The following AKR1E2 variants were observed in gnomAD, a reference collection of about 807,000 sequenced individuals.
The protein encoded by AKR1E2 is aldo-keto reductase family 1 member E2, also known as 1,5-anhydro-D-fructose reductase.
A neutral mutation model predicts 41.9 loss-of-function variants in AKR1E2; 43 were observed. The ratio of observed to expected loss-of-function variants is 1.03; its 90% CI spans 0.80 to 1.32. AKR1E2 has a LOEUF of 1.32. Ranked by LOEUF, AKR1E2 falls within the 40% of genes most tolerant of loss-of-function variation. AKR1E2 has a pLI of 0.00. For synonymous variants in AKR1E2, 121 were observed against 138.9 expected, an observed-to-expected ratio of 0.87 and a Z score of 0.91; for missense variants, 423 against 396.5, an observed-to-expected ratio of 1.07 and a Z score of -0.57.
chr10:4,863,361 C>G, the AKR1E2 span, among the ~76,000 whole-genome samples: 1 of 152,184 alleles, frequency 6.6e-6, no homozygotes, highest in Non-Finnish European at 1.5e-5. Context: ...TGAATGACTA[C>G]TGGGTACATA....
rs1832478922 is a variant in AKR1E2 at position 4,826,235 on chromosome 10, C to CGG, written c.-89_-88dup. On this transcript the variant is annotated 5_prime_UTR_variant, in exon 1 of 10. Coordinates refer to ENST00000298375, the MANE Select transcript of AKR1E2 (RefSeq NM_001040177.3). ...ACAAGGCACTTCCAGCCAGTCGCAA[C>CGG]GGCGGGTCGCCAGCGCCGCAGTAGC... 9.2e-7 allele frequency: 1 copy of CGG among 1,081,970 alleles called. No individual in the cohort carries two copies. The highest frequency in any genetic ancestry group is 1.2e-6 in the Non-Finnish European group (1 of 849,960). The allele number at this position is 1,081,970 out of a possible 1,614,324, so 67.0% of individuals were successfully genotyped here.
upstream of AKR1E2, chr10:4,826,075 T>TCTGCGCCTCCAGCC (rs1832460467): frequency 2.5e-6 from 1 of 392,194 alleles, no homozygotes; most frequent in African/African-American, 2.1e-5. Context: ...GGACTCCAGC[T>TCTGCGCCTCCAGCC]GGCTCTGCGC....
the AKR1E2 span, among the ~76,000 whole-genome samples, chr10:4,857,694 T>A: frequency 1.3e-5 from 2 of 152,176 alleles, no homozygotes; most frequent in East Asian, 1.9e-4. Context: ...AAAATAAAAA[T>A]TTTTAAAAAG....
chr10:4,850,713 T>C (rs4880691), downstream of AKR1E2, among the ~76,000 whole-genome samples: 89,729 of 151,972 alleles, frequency 0.59, 27,756 homozygotes, highest in Admixed American at 0.69. Flanking sequence ...CATCTTTTCA[T>C]GTGCTTATTG....
At chr10:4,867,711 A>T in the AKR1E2 span, among the ~76,000 whole-genome samples, 1 of 152,202 alleles carries the variant, frequency 6.6e-6, no homozygotes, top group South Asian at 2.1e-4. Flanking sequence ...TTTAACCCAC[A>T]GTTCTAACAT....
rs750977295 is a variant in AKR1E2, at chr10:4,835,783, G to A, written c.433G>A (p.Asp145Asn). Residue 145 changes from aspartate to asparagine, a missense_variant, in exon 4 of 10, where the codon GAC (aspartate) becomes AAC (asparagine). Transcript: ENST00000298375. ...LDESNMVIPSDTDFLDTWEAM... is the reference protein window; with the variant it reads ...LDESNMVIPSNTDFLDTWEAM... ...CGAGAGCAACATGGTTATTCCCAGT[G>A]ACACGGACTTCCTGGACACGTGGGA... 2 of 1,614,078 alleles carry A rather than the reference G, an allele frequency of 1.2e-6. No homozygotes were observed. Among genetic ancestry groups the A allele is most frequent in the Non-Finnish European group, 1.7e-6 (2 of 1,180,022 alleles).
upstream of AKR1E2, among the ~76,000 whole-genome samples, chr10:4,825,401 A>T (rs1276592259): frequency 2.6e-5 from 4 of 151,122 alleles, no homozygotes; most frequent in African/African-American, 9.7e-5. Context: ...GGCTCCCTTG[A>T]CCCCTCTTTC....
At chr10:4,835,042 TC>T (rs1310215168) in intron 3 of AKR1E2, among the ~76,000 whole-genome samples, 2 of 152,242 alleles carry the variant, frequency 1.3e-5, no homozygotes, top group Non-Finnish European at 2.9e-5. Context: ...GTGACATTCT[TC>T]CACTGTTGTT....
the AKR1E2 span, among the ~76,000 whole-genome samples, chr10:4,853,682 G>A: frequency 6.6e-6 from 1 of 151,782 alleles, no homozygotes; most frequent in Non-Finnish European, 1.5e-5. Context: ...ACAACTGTCA[G>A]AGGCATTTAA....
intron 4 of AKR1E2, 114 bp downstream of exon 4, chr10:4,835,923 G>T: frequency 7.0e-7 from 1 of 1,423,032 alleles, no homozygotes; most frequent in East Asian, 2.3e-5. Context: ...CCTGAGATGT[G>T]GGGTTTGTGG....
the AKR1E2 span, among the ~76,000 whole-genome samples, chr10:4,868,470 C>A: frequency 6.6e-6 from 1 of 152,128 alleles, no homozygotes; most frequent in Non-Finnish European, 1.5e-5. Flanking sequence ...TGACATAAGC[C>A]CGTGGAATTT....
chr10:4,860,786 G>C, the AKR1E2 span, among the ~76,000 whole-genome samples: 1 of 152,046 alleles, frequency 6.6e-6, no homozygotes, highest in Non-Finnish European at 1.5e-5. Context: ...ATGCTTTATT[G>C]GCTTTTTTTG....
chr10:4,837,352 A>G, intron 4 of AKR1E2, 107 bp from the exon 5 acceptor site: 1 of 1,422,254 alleles, frequency 7.0e-7, no homozygotes. Context: ...TATTGTAAAA[A>G]TATTGGGTCC....
Position 4,826,316 on chromosome 10 carries a change from GC to G in AKR1E2, c.-8del. 1 of 1,233,560 alleles carries G rather than the reference GC, an allele frequency of 8.1e-7. No homozygotes were observed. The highest frequency in any genetic ancestry group is 1.0e-6 in the Non-Finnish European group (1 of 987,344). The allele number at this position is 1,233,560 out of a possible 1,614,324, so 76.4% of individuals were successfully genotyped here. On this transcript the variant is annotated 5_prime_UTR_variant, in exon 1 of 10. Transcript: ENST00000298375. ...GGGCGGCGGGGCGGCGGGGCGGCCGGCGGCGGCCATGGGAGATATCCCAGCC... is the reference window on the plus strand; with the variant it reads ...GGGCGGCGGGGCGGCGGGGCGGCCGGGGCGGCCATGGGAGATATCCCAGCC...
chr10:4,848,179 G>A (rs1206406170), downstream of AKR1E2: 4 of 149,940 alleles, frequency 2.7e-5, no homozygotes, highest in African/African-American at 9.8e-5. Flanking sequence ...CTGGGCTTAA[G>A]TGATCCTCCT....
At chr10:4,868,436 G>A in the AKR1E2 span, among the ~76,000 whole-genome samples, 4 of 152,126 alleles carry the variant, frequency 2.6e-5, no homozygotes, top group Admixed American at 2.0e-4. Flanking sequence ...GAGAAGTGTA[G>A]GAACCTCTAG....
chr10:4,846,088 G>C (rs2131573485), intron 8 of AKR1E2: 2 of 324,920 alleles, frequency 6.2e-6, no homozygotes, highest in East Asian at 1.6e-4. Context: ...AGAACTGCTT[G>C]CTGTTCCCCT....
intron 4 of AKR1E2, among the ~76,000 whole-genome samples, chr10:4,836,737 A>G (rs780892839): frequency 3.9e-5 from 6 of 152,180 alleles, no homozygotes; most frequent in African/African-American, 9.7e-5. Flanking sequence ...TTTAGGTCCT[A>G]AAAGATTTGG....
In AKR1E2 at chr10:4,847,782, G is replaced by A. The variant is rs17133779; in HGVS notation, c.*252G>A. ...GAACAAATACACTGATGAGTCATCA[G>A]TGAAATTTGCCTTCACATTTTAAGA... On this transcript the variant is annotated 3_prime_UTR_variant, in exon 10 of 10. Coordinates refer to ENST00000298375, the MANE Select transcript of AKR1E2 (RefSeq NM_001040177.3). 19,676 of 489,250 alleles carry A rather than the reference G, an allele frequency of 0.04. 598 individuals carry two copies. The highest frequency in any genetic ancestry group is 0.12 in the East Asian group (3,624 of 30,434). 30.3% of individuals were successfully genotyped at this position (489,250 alleles called of 1,614,324 possible). A position where few individuals can be genotyped will look rare whatever the true frequency, so the allele number is the denominator to read the frequency against.
Sources: allele counts gnomAD v4.1 joint callset (sites outside exome capture counted in the v4.1 genomes callset), GRCh38; gene constraint gnomAD v4.1.1; transcripts MANE v1.5; gene names NCBI Gene and HGNC (gene_info 2026-07-23, HGNC 2026-07-21).